The following NKAIN2 variants were observed in gnomAD, a reference collection of about 807,000 sequenced individuals.
The protein encoded by NKAIN2 is sodium/potassium-transporting ATPase subunit beta-1-interacting protein 2.
Under a neutral mutation model 32.6 loss-of-function variants are expected in NKAIN2, and 14 were observed. The ratio of observed to expected loss-of-function variants is 0.43; its 90% CI spans 0.28 to 0.67. The LOEUF (loss-of-function observed/expected upper bound fraction) is 0.67. NKAIN2 is among the 30% of genes least tolerant of loss of function. The pLI, the probability that NKAIN2 is intolerant of heterozygous loss-of-function variation, is 0.17. For synonymous variants in NKAIN2, 80 were observed against 87.2 expected (o/e 0.92, Z 0.46); for missense variants, 198 against 258.3 (o/e 0.77, Z 1.60).
intron 1 of NKAIN2, among the ~76,000 whole-genome samples, chr6:124,179,365 CAGAA>C (rs1260179487): frequency 6.6e-6 from 1 of 152,114 alleles, no homozygotes; most frequent in Admixed American, 6.5e-5. Context: ...GATTTGCAAT[CAGAA>C]GGAAGTGATC....
intron 1 of NKAIN2, among the ~76,000 whole-genome samples, chr6:123,842,250 T>C (rs536045999): frequency 6.6e-6 from 1 of 152,204 alleles, no homozygotes. Flanking sequence ...ACAGCAGATA[T>C]GTATTTCTCA....
At chr6:124,187,467 G>A (rs997146846) in intron 1 of NKAIN2, among the ~76,000 whole-genome samples, 17 of 152,094 alleles carry the variant, frequency 1.1e-4, no homozygotes, top group Non-Finnish European at 2.5e-4. Flanking sequence ...CAATTGGGTA[G>A]ACAGGGCAGT....
intron 3 of NKAIN2, among the ~76,000 whole-genome samples, chr6:124,575,269 G>C (rs1781287609): frequency 6.6e-6 from 1 of 152,070 alleles, no homozygotes; most frequent in Admixed American, 6.5e-5. Context: ...TATTCTCTTA[G>C]CTGTCTGAAA....
intron 1 of NKAIN2, among the ~76,000 whole-genome samples, chr6:124,208,757 T>C (rs1013326255): frequency 2.5e-5 from 3 of 118,472 alleles, no homozygotes; most frequent in Non-Finnish European, 5.9e-5. Flanking sequence ...CCTCAATGCA[T>C]GCAGAAAAAT....
At chr6:123,920,478 G>A (rs1291928335) in intron 1 of NKAIN2, among the ~76,000 whole-genome samples, 3 of 152,068 alleles carry the variant, frequency 2.0e-5, no homozygotes, top group Non-Finnish European at 4.4e-5. Context: ...CTAGGATGCG[G>A]AGAGGTTAAA....
At chr6:124,742,558 C>T (rs1323120315) in intron 4 of NKAIN2, among the ~76,000 whole-genome samples, 1 of 151,816 alleles carries the variant, frequency 6.6e-6, no homozygotes. Flanking sequence ...GGTGAGAATT[C>T]TTGGCCTCTA....
chr6:124,785,610 G>T (rs77497613), intron 4 of NKAIN2, among the ~76,000 whole-genome samples: 2 of 152,152 alleles, frequency 1.3e-5, no homozygotes, highest in Admixed American at 1.3e-4. Context: ...GAAGTCCAGG[G>T]TTCCCACTTA....
chr6:123,960,192 G>T (rs1300548631), intron 1 of NKAIN2, among the ~76,000 whole-genome samples: 2 of 152,156 alleles, frequency 1.3e-5, no homozygotes, highest in African/African-American at 4.8e-5. Flanking sequence ...AGCCAACACT[G>T]TGCAGCATAC....
intron 3 of NKAIN2, among the ~76,000 whole-genome samples, chr6:124,366,061 C>A (rs1358411302): frequency 6.6e-6 from 1 of 151,952 alleles, no homozygotes; most frequent in Non-Finnish European, 1.5e-5. Context: ...ATCTTAACTT[C>A]CATAGCCAGA....
At chr6:124,355,172 T>A (rs951287398) in intron 2 of NKAIN2, 95 bp from the exon 3 acceptor site, 6 of 721,624 alleles carry the variant, frequency 8.3e-6, no homozygotes, top group Non-Finnish European at 1.5e-5. Flanking sequence ...TTCCCACTAA[T>A]CTTATATTAG....
intron 3 of NKAIN2, among the ~76,000 whole-genome samples, chr6:124,430,075 C>G (rs1478857031): frequency 6.6e-6 from 1 of 152,038 alleles, no homozygotes; most frequent in Non-Finnish European, 1.5e-5. Context: ...TCTGCAACAA[C>G]CCAAGAGATC....
chr6:124,516,359 A>T (rs938091594), intron 3 of NKAIN2, among the ~76,000 whole-genome samples: 1 of 152,186 alleles, frequency 6.6e-6, no homozygotes, highest in East Asian at 1.9e-4. Context: ...AATACTAGAC[A>T]ATAACATTTT....
chr6:123,950,452 A>G (rs900820752), intron 1 of NKAIN2, among the ~76,000 whole-genome samples: 10 of 151,844 alleles, frequency 6.6e-5, no homozygotes, highest in Admixed American at 3.3e-4. Flanking sequence ...TGGGAAGTTT[A>G]TTTTTTATTA....
Position 124,183,617 on chromosome 6 carries a change from C to CT in NKAIN2, c.55-99382dup, listed in dbSNP as rs2114553941. Among the ~76,000 whole-genome samples, 2 of 152,124 alleles carry CT rather than the reference C, an allele frequency of 1.3e-5. 1 individual carries two copies. The highest frequency in any genetic ancestry group is 4.1e-4 in the South Asian group (2 of 4,820). On this transcript the variant is annotated intron_variant, in intron 1 of 6. Transcript: ENST00000368417. ...TTTTTCTAAAAGAGAAAAAAACACT[C>CT]TTTTTTCTTCAACAACTATTACTGA...
chr6:124,147,569 C>A (rs1282949738), intron 1 of NKAIN2, among the ~76,000 whole-genome samples: 4 of 151,968 alleles, frequency 2.6e-5, no homozygotes, highest in Non-Finnish European at 5.9e-5. Context: ...GATTAAACAG[C>A]CTTATATGTT....
At chr6:124,751,564 A>G (rs573935228) in intron 4 of NKAIN2, among the ~76,000 whole-genome samples, 1 of 151,912 alleles carries the variant, frequency 6.6e-6, no homozygotes, top group Non-Finnish European at 1.5e-5. Context: ...TAAAGGAATC[A>G]GTTTATCATA....
At chr6:124,749,298 A>G (rs1241769703) in intron 4 of NKAIN2, among the ~76,000 whole-genome samples, 3 of 151,910 alleles carry the variant, frequency 2.0e-5, no homozygotes, top group Non-Finnish European at 4.4e-5. Context: ...AACACAGTCC[A>G]TCTGTATAAT....
intron 1 of NKAIN2, among the ~76,000 whole-genome samples, chr6:124,154,509 A>G (rs527377865): frequency 5.9e-5 from 9 of 151,972 alleles, no homozygotes; most frequent in African/African-American, 2.2e-4. Flanking sequence ...AGACTTTTCT[A>G]TTTTCCCTTT....
At chr6:124,478,496 TCA>T (rs1046259209) in intron 3 of NKAIN2, among the ~76,000 whole-genome samples, 2 of 151,912 alleles carry the variant, frequency 1.3e-5, no homozygotes, top group South Asian at 4.2e-4. Flanking sequence ...ATGTACACAA[TCA>T]CACACACACG....
Sources: gnomAD v4.1 joint callset for allele counts (sites outside exome capture counted in the v4.1 genomes callset) on GRCh38, gnomAD v4.1.1 for gene constraint, MANE v1.5 for transcripts, NCBI Gene and HGNC (gene_info 2026-07-23, HGNC 2026-07-21) for gene names.